The following SSR1 variants were observed in gnomAD, a reference collection of about 807,000 sequenced individuals.
The protein encoded by SSR1 is signal sequence receptor subunit 1.
SSR1 carries 13 observed loss-of-function variants against 36.1 expected under a neutral mutation model. The observed-to-expected ratio is 0.36, with a 90% CI of 0.23 to 0.57. SSR1 has a LOEUF of 0.57. Ranked by LOEUF, SSR1 falls within the 20% of genes least tolerant of loss-of-function variation. The probability of loss-of-function intolerance (pLI) is 0.81; values close to 1 mark genes in which losing one functional copy is unlikely to be tolerated. For missense variants in SSR1, 291 were observed against 338.5 expected, an observed-to-expected ratio of 0.86 and a Z score of 1.10; for synonymous variants, 113 against 118.9, an observed-to-expected ratio of 0.95 and a Z score of 0.32.
chr6:7,296,467 T>C, intron 6 of SSR1, among the ~76,000 whole-genome samples: 1 of 152,354 alleles, frequency 6.6e-6, no homozygotes, highest in South Asian at 2.1e-4. Context: ...AAAGAGCTTA[T>C]TAATAACATT....
At chr6:7,295,523 T>A in intron 6 of SSR1, 38 bp from the exon 7 acceptor site, 1 of 1,343,022 alleles carries the variant, frequency 7.4e-7, no homozygotes, top group Non-Finnish European at 1.0e-6. Flanking sequence ...AGGAGTTCCG[T>A]TACACCATTT....
chr6:7,295,039 G>A lies in SSR1; in HGVS notation c.793+353C>T, dbSNP rs538838473. ...CGTAAAATATTTACGTGCTATTTGA[G>A]AGCCCCCAATTCTCTAGCAAAAACC... On this transcript the variant is annotated intron_variant, in intron 7 of 7. Transcript: ENST00000244763. 2.1e-6 allele frequency: 3 copies of A among 1,452,462 alleles called. No individual in the cohort carries two copies. In the African/African-American group the frequency reaches 4.4e-5, roughly 21 times the overall value. The allele number at this position is 1,452,462 out of a possible 1,614,324, so 90.0% of individuals were successfully genotyped here. A position where few individuals can be genotyped will look rare whatever the true frequency, so the allele number is the denominator to read the frequency against.
At chr6:7,304,944 C>T (rs1758023876) in intron 2 of SSR1, among the ~76,000 whole-genome samples, 1 of 152,216 alleles carries the variant, frequency 6.6e-6, no homozygotes, top group Non-Finnish European at 1.5e-5. Flanking sequence ...CTCAAACACA[C>T]TTGTTCAATG....
intron 2 of SSR1, among the ~76,000 whole-genome samples, chr6:7,305,579 TGAG>T (rs1346240602): frequency 6.6e-6 from 1 of 152,188 alleles, no homozygotes; most frequent in Non-Finnish European, 1.5e-5. Context: ...ATCAAATCAC[TGAG>T]GAGGATTAAT....
chr6:7,293,583 T>C (rs6597262), intron 7 of SSR1, among the ~76,000 whole-genome samples: 56,344 of 151,966 alleles, frequency 0.37, 10,538 homozygotes, highest in South Asian at 0.45. Context: ...ATGTATTTTT[T>C]TTTCATTCTT....
At chr6:7,292,763 C>CA (rs1434848414) in intron 7 of SSR1, among the ~76,000 whole-genome samples, 4 of 152,154 alleles carry the variant, frequency 2.6e-5, no homozygotes, top group Admixed American at 1.3e-4. Flanking sequence ...AAGTTGTTAG[C>CA]ATAGCTCATA....
In SSR1 at chr6:7,309,907, T is replaced by C. The variant is rs530769437; in HGVS notation, c.192+10A>G. ...CATTTTACATATATTAAATAGTATG[T>C]AACACTAACCAAATCTGTGGGTTCA... On this transcript the variant is annotated intron_variant, in intron 2 of 7. Transcript: ENST00000244763. The C allele has an allele frequency of 6.9e-6, 11 of 1,589,346 alleles. No individual in the cohort carries two copies. In the South Asian group the frequency reaches 9.9e-5, roughly 14 times the overall value.
rs1452051840 is a variant in SSR1, at chr6:7,313,052, G to A, written c.69C>T (p.Gly23=). Residue 23 remains glycine, a synonymous_variant, in exon 1 of 8, where the codon GGC becomes GGT. Coordinates refer to ENST00000244763, the MANE Select transcript of SSR1 (RefSeq NM_003144.5). ...CTCCCCCAGCCTCACCTCTGGGGCCGCCTCGGAACAAGACAGTGGCAGGGA... is the reference window on the plus strand; with the variant it reads ...CTCCCCCAGCCTCACCTCTGGGGCCACCTCGGAACAAGACAGTGGCAGGGA... ...LVFPATVLFR[G]GPRGLLAVAQ... The A allele has an allele frequency of 6.2e-7, 1 of 1,605,768 alleles. No homozygotes were observed.
chr6:7,303,521 C>G (rs1425743600), intron 3 of SSR1, 29 bp downstream of exon 3: 3 of 1,510,846 alleles, frequency 2.0e-6, no homozygotes, highest in African/African-American at 2.8e-5. Flanking sequence ...ATGCCTACAT[C>G]TGAATTAAAA....
At chr6:7,306,483 A>G (rs1758056650) in intron 2 of SSR1, among the ~76,000 whole-genome samples, 1 of 152,138 alleles carries the variant, frequency 6.6e-6, no homozygotes. Context: ...TTACTACTAC[A>G]GCTCTTGTTT....
At position 7,292,791 on chromosome 6, in the gene SSR1, T is replaced by C. The variant is rs9505126; in HGVS notation, c.793+2601A>G. Among the ~76,000 whole-genome samples, 505 of 152,246 alleles carry C rather than the reference T, an allele frequency of 3.3e-3. 2 individuals are homozygous for C. The highest frequency in any genetic ancestry group is 0.01 in the African/African-American group (422 of 41,522). On this transcript the variant is annotated intron_variant, in intron 7 of 7. Transcript: ENST00000244763. ...AGCTCATAAAACCTTAAAGACTCCT[T>C]CTCACCCAACCTTTCAAGACTCGGG...
chr6:7,308,492 C>T (rs1158597145), intron 2 of SSR1, among the ~76,000 whole-genome samples: 2 of 151,634 alleles, frequency 1.3e-5, no homozygotes, highest in African/African-American at 2.4e-5. Context: ...AAGTATGACA[C>T]GAAAATAGAA....
chr6:7,290,625 T>C (rs1277956838), intron 7 of SSR1, among the ~76,000 whole-genome samples: 1 of 152,206 alleles, frequency 6.6e-6, no homozygotes, highest in Non-Finnish European at 1.5e-5. Context: ...ATTACTTGTA[T>C]AATTGTTTTT....
intron 7 of SSR1, among the ~76,000 whole-genome samples, chr6:7,290,612 G>C (rs1757660626): frequency 6.6e-6 from 1 of 152,034 alleles, no homozygotes; most frequent in Non-Finnish European, 1.5e-5. Flanking sequence ...GAATAAGTTA[G>C]AAATTACTTG....
chr6:7,306,988 A>T (rs1758082810), intron 2 of SSR1, among the ~76,000 whole-genome samples: 1 of 151,482 alleles, frequency 6.6e-6, no homozygotes, highest in Non-Finnish European at 1.5e-5. Context: ...AAAAATTCTA[A>T]ACCAATAACC....
At chr6:7,298,711 C>T (rs1416540213) in intron 5 of SSR1, 36 bp downstream of exon 5, 2 of 1,527,632 alleles carry the variant, frequency 1.3e-6, no homozygotes, top group South Asian at 1.1e-5. Flanking sequence ...ACTTTACGAG[C>T]AAAATCAAGA....
chr6:7,310,224 ATTTT>A (rs10633004), intron 1 of SSR1, among the ~76,000 whole-genome samples, 195 bp from the exon 2 acceptor site: 2 of 139,374 alleles, frequency 1.4e-5, no homozygotes, highest in Non-Finnish European at 1.5e-5. Flanking sequence ...CTGCATATCA[ATTTT>A]TTTTTTTTTT....
chr6:7,289,510 T>TG lies in SSR1; in HGVS notation c.*353dup, dbSNP rs1346698308. 9.1e-6 allele frequency: 2 copies of TG among 220,378 alleles called. No homozygotes were observed. The highest frequency in any genetic ancestry group is 1.7e-5 in the Non-Finnish European group (2 of 116,048). 13.7% of individuals were successfully genotyped at this position (220,378 alleles called of 1,614,324 possible). On this transcript the variant is annotated 3_prime_UTR_variant, in exon 8 of 8. Transcript: ENST00000244763. ...TAGTGGGTAAATATTAACTGAGTTTTGGGGGAAAAAATCAGAAAATGTCAA... is the reference window on the plus strand; with the variant it reads ...TAGTGGGTAAATATTAACTGAGTTTTGGGGGGAAAAAATCAGAAAATGTCAA...
chr6:7,291,035 C>A (rs1757669304), intron 7 of SSR1, among the ~76,000 whole-genome samples: 1 of 152,162 alleles, frequency 6.6e-6, no homozygotes, highest in Non-Finnish European at 1.5e-5. Context: ...CAGGCACACA[C>A]TATCACACCT....
Sources: gnomAD v4.1 joint callset for allele counts (sites outside exome capture counted in the v4.1 genomes callset) on GRCh38, gnomAD v4.1.1 for gene constraint, MANE v1.5 for transcripts, NCBI Gene and HGNC (gene_info 2026-07-23, HGNC 2026-07-21) for gene names.